SPHKAP: variants seen among roughly 807,000 people sequenced by gnomAD.
SPHKAP encodes the protein A-kinase anchor protein SPHKAP.
SPHKAP carries 67 observed loss-of-function variants against 137.5 expected under a neutral mutation model. That is an observed-to-expected ratio of 0.49 (90% CI 0.40 to 0.60). The LOEUF is 0.60. Ranked by LOEUF, SPHKAP falls within the 20% of genes least tolerant of loss-of-function variation. The pLI is 0.00. For synonymous variants in SPHKAP, 813 were observed against 785.3 expected (o/e 1.04, Z -0.59); for missense variants, 2,097 against 2,069.3 (o/e 1.01, Z -0.26).
chr2:228,005,623 T>C (rs555174552), intron 7 of SPHKAP, among the ~76,000 whole-genome samples: 2 of 152,356 alleles, frequency 1.3e-5, no homozygotes, highest in East Asian at 1.9e-4. Flanking sequence ...GCTCGTTAGT[T>C]GATGCAGTTT....
chr2:228,073,757 A>G (rs1263867242), intron 3 of SPHKAP, among the ~76,000 whole-genome samples: 1 of 152,244 alleles, frequency 6.6e-6, no homozygotes, highest in Non-Finnish European at 1.5e-5. Context: ...CTGCTAACGA[A>G]CAAATCTGCT....
intron 3 of SPHKAP, among the ~76,000 whole-genome samples, chr2:228,030,244 G>T (rs189624101): frequency 6.6e-6 from 1 of 151,904 alleles, no homozygotes; most frequent in African/African-American, 2.4e-5. Context: ...GGCCGCGTAC[G>T]GTGGCTCACG....
rs563290492 is a variant in SPHKAP, at chr2:228,025,425, C to T, written c.410G>A (p.Gly137Glu). The T allele has an allele frequency of 6.2e-6, 10 of 1,613,728 alleles. No individual in the cohort carries two copies. Among genetic ancestry groups the T allele is most frequent in the African/African-American group, 1.3e-5 (1 of 74,918 alleles). ...AACTTCAAAATCTGCCTGGAGATTT[C>T]CAGAGGCTAACCCACTTAGGACAAC... Reference protein sequence around the residue: ...EIVVLSGLASGNLQADFEVSQ... With the variant: ...EIVVLSGLASENLQADFEVSQ... The change falls in exon 5 of 12, where the codon GGA becomes GAA. Residue 137 changes from glycine (G) to glutamate (E), a missense_variant. Coordinates refer to ENST00000392056, the MANE Select transcript of SPHKAP (RefSeq NM_001142644.2).
intron 3 of SPHKAP, among the ~76,000 whole-genome samples, chr2:228,104,962 T>G (rs965260719): frequency 3.3e-5 from 5 of 152,206 alleles, no homozygotes; most frequent in African/African-American, 1.2e-4. Flanking sequence ...TTGCTTGCTT[T>G]CTTTTCTTTC....
At chr2:228,156,688 T>A (rs1700116460) in intron 1 of SPHKAP, among the ~76,000 whole-genome samples, 2 of 152,192 alleles carry the variant, frequency 1.3e-5, no homozygotes, top group African/African-American at 2.4e-5. Flanking sequence ...TCCCTTGTGT[T>A]GTGGGAGGGA....
At position 228,019,089 on chromosome 2, in the gene SPHKAP, G is replaced by A. The variant is rs777376951; in HGVS notation, c.1765C>T (p.Leu589Phe). 7 of 1,613,858 alleles carry A rather than the reference G, an allele frequency of 4.3e-6. No individual in the cohort carries two copies. The East Asian group carries it at 8.9e-5, about 21-fold the overall frequency. The change falls in exon 7 of 12, where the codon CTC (leucine) becomes TTC (phenylalanine). Residue 589 changes from leucine (L) to phenylalanine (F), a missense_variant. Transcript: ENST00000392056. ...VTCSVAPSGS[L>F]PPAAEASEAM... The stretch of plus-strand genomic sequence containing the variant: ...TCAGAAGCCTCAGCTGCAGGCGGGA[G>A]GCTACCACTTGGAGCCACTGAGCAT...
intron 1 of SPHKAP, among the ~76,000 whole-genome samples, chr2:228,152,429 C>T (rs1279647156): frequency 6.6e-6 from 1 of 152,150 alleles, no homozygotes. Flanking sequence ...TCCTTTTGCC[C>T]AGCTGCATGT....
chr2:228,174,289 A>T (rs28613487), intron 1 of SPHKAP, among the ~76,000 whole-genome samples: 18,926 of 151,246 alleles, frequency 0.13, 1,197 homozygotes, highest in East Asian at 0.2. Flanking sequence ...AGTAAGATAA[A>T]CATAGGCAGG....
chr2:228,014,683 G>A (rs912000802), intron 7 of SPHKAP, among the ~76,000 whole-genome samples: 6 of 152,066 alleles, frequency 3.9e-5, no homozygotes, highest in African/African-American at 1.5e-4. Flanking sequence ...TCCTCTAATG[G>A]GGAGCACTGG....
At chr2:228,165,590 A>G (rs1700400524) in intron 1 of SPHKAP, among the ~76,000 whole-genome samples, 1 of 152,204 alleles carries the variant, frequency 6.6e-6, no homozygotes, top group African/African-American at 2.4e-5. Flanking sequence ...GCTTAGTGAG[A>G]TAACTCACTC....
rs1698396734 is a variant in SPHKAP at position 228,107,984 on chromosome 2, TCTG to T, written c.246+845_246+847del. ...TGTCTGCCAGTTCTGGTTCTTTAGT[TCTG>T]CTCATTATATATAAAAAGCCTTGCT... On this transcript the variant is annotated intron_variant, in intron 3 of 11. Coordinates refer to ENST00000392056, the MANE Select transcript of SPHKAP (RefSeq NM_001142644.2). Among the ~76,000 whole-genome samples, 6 of 152,308 alleles carry T rather than the reference TCTG, an allele frequency of 3.9e-5. No homozygotes were observed. The South Asian group carries it at 8.3e-4, about 21-fold the overall frequency.
At chr2:228,155,002 T>C (rs892666443) in intron 1 of SPHKAP, among the ~76,000 whole-genome samples, 4 of 152,150 alleles carry the variant, frequency 2.6e-5, no homozygotes, top group African/African-American at 7.2e-5. Flanking sequence ...ATTTCCCAGG[T>C]ACCATTAGGC....
chr2:228,150,574 GTTATA>G (rs1699897234), intron 1 of SPHKAP, among the ~76,000 whole-genome samples: 1 of 151,352 alleles, frequency 6.6e-6, no homozygotes, highest in Non-Finnish European at 1.5e-5. Context: ...TTTTAATAAT[GTTATA>G]TTATTGATAA....
At position 228,027,480 on chromosome 2, in the gene SPHKAP, T is replaced by C; in HGVS notation, c.306+4A>G. The C allele has an allele frequency of 1.2e-6, 2 of 1,613,942 alleles. No individual in the cohort carries two copies. The highest frequency in any genetic ancestry group is 1.3e-5 in the African/African-American group (1 of 75,034). On this transcript the variant is annotated splice_donor_region_variant and intron_variant, in intron 4 of 11. Coordinates refer to ENST00000392056, the MANE Select transcript of SPHKAP (RefSeq NM_001142644.2). The stretch of plus-strand genomic sequence containing the variant: ...TCCCGGTCAGCTTGAGTTTCAAATG[T>C]TACCTGTTGCAGGTGCTCTGTGCTG...
intron 3 of SPHKAP, among the ~76,000 whole-genome samples, chr2:228,035,504 C>T (rs1162255224): frequency 6.6e-6 from 1 of 152,144 alleles, no homozygotes; most frequent in Non-Finnish European, 1.5e-5. Context: ...CTACCAATGA[C>T]TTTCTTCACA....
intron 1 of SPHKAP, among the ~76,000 whole-genome samples, chr2:228,158,635 C>T (rs759360182): frequency 4.6e-5 from 7 of 152,140 alleles, no homozygotes; most frequent in Non-Finnish European, 1.0e-4. Context: ...CTAGTTCACC[C>T]AAGTGATCCC....
intron 2 of SPHKAP, among the ~76,000 whole-genome samples, chr2:228,129,763 T>A (rs992777101): frequency 6.6e-6 from 1 of 151,646 alleles, no homozygotes; most frequent in African/African-American, 2.4e-5. Flanking sequence ...TGAAGTCATT[T>A]AGAATTAAAG....
At chr2:228,001,122 C>T (rs1010178964) in intron 7 of SPHKAP, among the ~76,000 whole-genome samples, 2 of 151,442 alleles carry the variant, frequency 1.3e-5, no homozygotes, top group African/African-American at 4.9e-5. Flanking sequence ...TTTGCAAGTC[C>T]ATAATGACAT....
intron 3 of SPHKAP, among the ~76,000 whole-genome samples, chr2:228,092,479 A>G (rs915338490): frequency 2.9e-4 from 3 of 10,324 alleles, no homozygotes; most frequent in Admixed American, 1.4e-3. Flanking sequence ...ATATATATGT[A>G]TACATATATG....
Sources: allele counts gnomAD v4.1 joint callset (sites outside exome capture counted in the v4.1 genomes callset), GRCh38; gene constraint gnomAD v4.1.1; transcripts MANE v1.5; gene names NCBI Gene and HGNC (gene_info 2026-07-23, HGNC 2026-07-21).